The following SPMIP2 variants were observed in gnomAD, a reference collection of about 807,000 sequenced individuals.
The protein encoded by SPMIP2 is sperm microtubule inner protein 2.
At chr4:159,005,475 A>G in the SPMIP2 span, among the ~76,000 whole-genome samples, 1 of 152,042 alleles carries the variant, frequency 6.6e-6, no homozygotes. Context: ...ACAACAAAAA[A>G]CCATCAACTA....
chr4:158,981,582 C>G, the SPMIP2 span, among the ~76,000 whole-genome samples: 1 of 152,054 alleles, frequency 6.6e-6, no homozygotes, highest in Non-Finnish European at 1.5e-5. Flanking sequence ...ATTTTCAACC[C>G]AGAATTTCAT....
At chr4:158,940,123 G>A in the SPMIP2 span, among the ~76,000 whole-genome samples, 1 of 152,080 alleles carries the variant, frequency 6.6e-6, no homozygotes, top group African/African-American at 2.4e-5. Context: ...CCAGATCAAG[G>A]AGTCTGCAGT....
the SPMIP2 span, among the ~76,000 whole-genome samples, chr4:158,991,152 AAC>A: frequency 4.6e-5 from 7 of 152,330 alleles, no homozygotes; most frequent in African/African-American, 1.7e-4. Flanking sequence ...ACTGATGAAA[AAC>A]AGACAATGGA....
At chr4:158,979,308 G>A in the SPMIP2 span, among the ~76,000 whole-genome samples, 1 of 152,150 alleles carries the variant, frequency 6.6e-6, no homozygotes, top group Non-Finnish European at 1.5e-5. Context: ...GGTGGGATCC[G>A]ATGAGCCAGA....
the SPMIP2 span, among the ~76,000 whole-genome samples, chr4:159,008,681 C>T: frequency 6.6e-6 from 1 of 152,146 alleles, no homozygotes; most frequent in African/African-American, 2.4e-5. Context: ...ATTTAATGAT[C>T]ACTATGTTCA....
chr4:159,066,679 C>T, the SPMIP2 span, among the ~76,000 whole-genome samples: 2 of 149,228 alleles, frequency 1.3e-5, no homozygotes, highest in Non-Finnish European at 3.0e-5. Flanking sequence ...TTGAAGTCAA[C>T]AAAGAAACTT....
the SPMIP2 span, among the ~76,000 whole-genome samples, chr4:159,072,794 G>T: frequency 1.3e-5 from 2 of 151,860 alleles, no homozygotes; most frequent in South Asian, 4.2e-4. Context: ...AAACTACTTC[G>T]CCAGTAATAA....
the SPMIP2 span, among the ~76,000 whole-genome samples, chr4:159,004,858 TTTTG>T: frequency 1.3e-5 from 2 of 152,020 alleles, no homozygotes; most frequent in Non-Finnish European, 2.9e-5. Flanking sequence ...TCAAGAGTGG[TTTTG>T]TTTGTTTGTT....
At chr4:159,019,762 C>T in the SPMIP2 span, among the ~76,000 whole-genome samples, 4 of 152,032 alleles carry the variant, frequency 2.6e-5, no homozygotes, top group Non-Finnish European at 4.4e-5. Flanking sequence ...ACCTGGACAA[C>T]AGGAGAAACT....
chr4:159,017,356 T>TACACACAC, the SPMIP2 span, among the ~76,000 whole-genome samples: 30,791 of 149,242 alleles, frequency 0.21, 3,310 homozygotes, highest in Non-Finnish European at 0.25. Context: ...CACAAACACA[T>TACACACAC]ACACACACAC....
the SPMIP2 span, among the ~76,000 whole-genome samples, chr4:159,014,915 G>A: frequency 6.6e-6 from 1 of 152,116 alleles, no homozygotes; most frequent in Non-Finnish European, 1.5e-5. Flanking sequence ...GCAGCCCGTG[G>A]GCCACTGGTT....
the SPMIP2 span, among the ~76,000 whole-genome samples, chr4:158,989,699 T>C: frequency 1.3e-5 from 2 of 152,062 alleles, no homozygotes; most frequent in Middle Eastern, 3.2e-3. Flanking sequence ...TGAAACTGGA[T>C]CCCTTCCTTA....
the SPMIP2 span, among the ~76,000 whole-genome samples, chr4:158,914,110 G>A: frequency 6.6e-6 from 1 of 152,094 alleles, no homozygotes; most frequent in African/African-American, 2.4e-5. Context: ...GAGGCGTTTG[G>A]GATAATTTAG....
chr4:159,067,171 T>C, the SPMIP2 span, among the ~76,000 whole-genome samples: 2 of 151,880 alleles, frequency 1.3e-5, no homozygotes, highest in Admixed American at 1.3e-4. Context: ...TAAACATAAA[T>C]GTGATTAAGA....
At chr4:158,904,724 T>C in the SPMIP2 span, 2 of 592,786 alleles carry the variant, frequency 3.4e-6, no homozygotes, top group East Asian at 2.8e-5. Context: ...TTAGGTTTAC[T>C]TGACATAATA....
At chr4:159,031,764 G>A in the SPMIP2 span, among the ~76,000 whole-genome samples, 1 of 152,214 alleles carries the variant, frequency 6.6e-6, no homozygotes, top group Non-Finnish European at 1.5e-5. Flanking sequence ...TACGAGAGAT[G>A]TGAGTCAAAT....
the SPMIP2 span, among the ~76,000 whole-genome samples, chr4:158,912,806 T>C: frequency 6.6e-6 from 1 of 152,360 alleles, no homozygotes; most frequent in African/African-American, 2.4e-5. Context: ...GAAAGCCTCA[T>C]TGATAAAAAG....
At chr4:158,934,259 G>A in the SPMIP2 span, among the ~76,000 whole-genome samples, 1 of 152,124 alleles carries the variant, frequency 6.6e-6, no homozygotes, top group African/African-American at 2.4e-5. Context: ...TCAGAAGTTT[G>A]AGACAAGCCT....
At chr4:158,897,499 ATT>A in the SPMIP2 span, among the ~76,000 whole-genome samples, 1 of 152,122 alleles carries the variant, frequency 6.6e-6, no homozygotes, top group Non-Finnish European at 1.5e-5. Flanking sequence ...CCTCTCAAGC[ATT>A]TGTTTTTTCC....
Sources: allele counts gnomAD v4.1 joint callset (sites outside exome capture counted in the v4.1 genomes callset), GRCh38; gene constraint gnomAD v4.1.1; transcripts MANE v1.5; gene names NCBI Gene and HGNC (gene_info 2026-07-23, HGNC 2026-07-21).